The following SNX2 variants were observed in gnomAD, a reference collection of about 807,000 sequenced individuals.
SNX2 encodes sorting nexin 2.
A neutral mutation model predicts 69.9 loss-of-function variants in SNX2; 25 were observed. The observed-to-expected ratio is 0.36, with a 90% CI of 0.26 to 0.50. The LOEUF is 0.50. Ranked by LOEUF, SNX2 falls within the 20% of genes least tolerant of loss-of-function variation. The probability of loss-of-function intolerance (pLI) is 0.97; values close to 1 mark genes in which losing one functional copy is unlikely to be tolerated. For missense variants in SNX2, 551 were observed against 613.3 expected (o/e 0.90, Z 1.07); for synonymous variants, 229 against 200.4 (o/e 1.14, Z -1.20).
intron 11 of SNX2, among the ~76,000 whole-genome samples, chr5:122,820,513 C>T (rs891149143): frequency 3.3e-5 from 5 of 151,426 alleles, no homozygotes; most frequent in East Asian, 1.9e-4. Flanking sequence ...TCCAGCCTGG[C>T]GACAGAGACT....
At position 122,813,761 on chromosome 5, in the gene SNX2, T is replaced by C. The variant is rs1334928017; in HGVS notation, c.723-2135T>C. On this transcript the variant is annotated intron_variant, in intron 7 of 14. Transcript: ENST00000379516. ...TCCACTTAGGTTTGAAATATTAGAA[T>C]ATTTCCTTTTTTTTTTTTTTTTTTT... 2.0e-5 allele frequency among the ~76,000 whole-genome samples: 3 copies of C among 149,618 alleles called. No homozygotes were observed. In the East Asian group the frequency reaches 6.0e-4, roughly 30 times the overall value.
intron 12 of SNX2, chr5:122,826,592 T>G (rs1435959549): frequency 1.3e-6 from 1 of 774,250 alleles, no homozygotes; most frequent in Non-Finnish European, 1.6e-6. Flanking sequence ...TGAATTTGTA[T>G]AAGTTTATTA....
intron 6 of SNX2, among the ~76,000 whole-genome samples, chr5:122,806,142 G>GCGCGCGCACACACACACACACACACACA: frequency 4.6e-5 from 6 of 130,656 alleles, no homozygotes; most frequent in African/African-American, 8.7e-5. Flanking sequence ...ACACGCGCGC[G>GCGCGCGCACACACACACACACACACACA]CACACACACA....
At chr5:122,789,992 A>T (rs1753192545) in intron 1 of SNX2, among the ~76,000 whole-genome samples, 2 of 152,222 alleles carry the variant, frequency 1.3e-5, no homozygotes, top group Admixed American at 1.3e-4. Context: ...AATAAACATT[A>T]TATCACAGTT....
At chr5:122,807,597 T>C (rs1753686728) in intron 6 of SNX2, among the ~76,000 whole-genome samples, 1 of 152,202 alleles carries the variant, frequency 6.6e-6, no homozygotes, top group Non-Finnish European at 1.5e-5. Context: ...TTCCACAGAA[T>C]ACATTTTTGA....
In SNX2 at chr5:122,827,604, T is replaced by C. The variant is rs1429682795; in HGVS notation, c.1467T>C (p.Val489=). The C allele has an allele frequency of 6.2e-7, 1 of 1,613,476 alleles. No homozygotes were observed. Among genetic ancestry groups the C allele is most frequent in the South Asian group, 1.1e-5 (1 of 91,052 alleles). The change falls in exon 14 of 15, where the codon GTT becomes GTC. Residue 489 remains valine, a synonymous_variant. Transcript: ENST00000379516. ...AACGAGTGAAGGATTTTAAAACCGT[T>C]ATCATCAAGTACTTAGAATCACTAG... is the stretch of plus-strand genomic sequence containing the variant. ...EKERVKDFKT[V]IIKYLESLVQ...
chr5:122,809,204 A>G (rs559953883), intron 7 of SNX2, among the ~76,000 whole-genome samples: 1 of 152,300 alleles, frequency 6.6e-6, no homozygotes, highest in East Asian at 1.9e-4. Context: ...CTTAAAGTAT[A>G]TGAGAGGCTG....
chr5:122,793,286 T>C (rs1348368167), intron 1 of SNX2, among the ~76,000 whole-genome samples: 1 of 152,154 alleles, frequency 6.6e-6, no homozygotes, highest in Non-Finnish European at 1.5e-5. Context: ...TATACACTTA[T>C]GATAATGAGT....
At chr5:122,788,748 C>G (rs191363911) in intron 1 of SNX2, among the ~76,000 whole-genome samples, 2 of 151,314 alleles carry the variant, frequency 1.3e-5, no homozygotes, top group East Asian at 3.9e-4. Context: ...TGTTTTCTTT[C>G]TTCTTTTTGT....
At chr5:122,775,872 T>C (rs1752846463) in intron 1 of SNX2, 2 of 522,322 alleles carry the variant, frequency 3.8e-6, no homozygotes, top group Non-Finnish European at 4.9e-6. Context: ...AAACTGCTGT[T>C]GTGTGTGTGT....
At chr5:122,781,891 T>C (rs1457810943) in intron 1 of SNX2, among the ~76,000 whole-genome samples, 2 of 152,176 alleles carry the variant, frequency 1.3e-5, no homozygotes, top group Admixed American at 1.3e-4. Context: ...ATAATAAATA[T>C]ATAAAGCTCC....
chr5:122,790,550 A>G (rs1173726826), intron 1 of SNX2, among the ~76,000 whole-genome samples: 1 of 152,224 alleles, frequency 6.6e-6, no homozygotes, highest in Non-Finnish European at 1.5e-5. Flanking sequence ...TCAAAGAGAA[A>G]GGGTAAGCAC....
At chr5:122,812,237 A>C (rs1753794797) in intron 7 of SNX2, among the ~76,000 whole-genome samples, 1 of 152,212 alleles carries the variant, frequency 6.6e-6, no homozygotes, top group African/African-American at 2.4e-5. Flanking sequence ...AATAAAAGCC[A>C]GAGTCCTTTT....
At chr5:122,812,228 A>G (rs909867326) in intron 7 of SNX2, among the ~76,000 whole-genome samples, 2 of 152,174 alleles carry the variant, frequency 1.3e-5, no homozygotes, top group African/African-American at 4.8e-5. Context: ...ATTTTACTCA[A>G]TAAAAGCCAG....
chr5:122,780,150 G>A (rs936678537), intron 1 of SNX2, among the ~76,000 whole-genome samples: 2 of 152,178 alleles, frequency 1.3e-5, no homozygotes, highest in Non-Finnish European at 2.9e-5. Flanking sequence ...ACTGCTGGAT[G>A]GGCTAGAGAT....
At chr5:122,806,136 G>GCGCGCGCA (rs1753642845) in intron 6 of SNX2, among the ~76,000 whole-genome samples, 1 of 19,190 alleles carries the variant, frequency 5.2e-5, no homozygotes, top group African/African-American at 1.6e-4. Context: ...ATATACACAC[G>GCGCGCGCA]CGCGCGCACA....
Position 122,775,127 on chromosome 5 carries a change from T to G in SNX2, c.24T>G (p.Pro8=). The change falls in exon 1 of 15, where the codon CCT becomes CCG. Residue 8 remains proline (P), a synonymous_variant. Transcript: ENST00000379516. MAAEREP[P]PLGDGKPTDF... is the part of the protein sequence containing the mutation. Reference sequence around the variant, plus strand: ...AGATGGCGGCCGAGAGGGAACCTCCTCCGCTGGGGGACGGGAAGCCCACCG... The same window carrying G: ...AGATGGCGGCCGAGAGGGAACCTCCGCCGCTGGGGGACGGGAAGCCCACCG... 6.3e-7 allele frequency: 1 copy of G among 1,593,352 alleles called. No homozygotes were observed. The highest frequency in any genetic ancestry group is 8.5e-7 in the Non-Finnish European group (1 of 1,171,824).
At chr5:122,792,813 C>G (rs1753275090) in intron 1 of SNX2, among the ~76,000 whole-genome samples, 1 of 151,942 alleles carries the variant, frequency 6.6e-6, no homozygotes, top group Non-Finnish European at 1.5e-5. Context: ...GAAAAATGAA[C>G]AAAATATTTG....
At chr5:122,793,966 A>T (rs1021486910) in intron 1 of SNX2, among the ~76,000 whole-genome samples, 13 of 151,778 alleles carry the variant, frequency 8.6e-5, no homozygotes, top group Admixed American at 6.6e-4. Context: ...CGAAAACCAT[A>T]ATAAAGATAA....
Sources: allele counts gnomAD v4.1 joint callset (sites outside exome capture counted in the v4.1 genomes callset), GRCh38; gene constraint gnomAD v4.1.1; transcripts MANE v1.5; gene names NCBI Gene and HGNC (gene_info 2026-07-23, HGNC 2026-07-21).